The following YWHAQ variants were observed in gnomAD, a reference collection of about 807,000 sequenced individuals.
The protein encoded by YWHAQ is tyrosine 3-monooxygenase/tryptophan 5-monooxygenase activation protein theta, also known as 14-3-3 protein theta.
A neutral mutation model predicts 28.3 loss-of-function variants in YWHAQ; 6 were observed. The observed-to-expected ratio is 0.21, with a 90% confidence interval of 0.12 to 0.42. The LOEUF (loss-of-function observed/expected upper bound fraction) is 0.42, where lower values mean the gene tolerates loss of function less well. YWHAQ is among the 10% of genes least tolerant of loss of function. YWHAQ has a pLI of 1.00. For missense variants in YWHAQ, 201 were observed against 305.6 expected (o/e 0.66, Z 2.55); for synonymous variants, 143 against 119.1 (o/e 1.20, Z -1.31).
At position 9,600,336 on chromosome 2, in the gene YWHAQ, TGA is replaced by T. The variant is rs1178677615; in HGVS notation, c.295-8823_295-8822del. Among the ~76,000 whole-genome samples, 4 of 152,348 alleles carry T rather than the reference TGA, an allele frequency of 2.6e-5. No homozygotes were observed. In the Middle Eastern group the frequency reaches 0.01, roughly 389 times the overall value. On this transcript the variant is annotated intron_variant, in intron 2 of 5. Transcript: ENST00000238081. ...TAGTTGATAGAGCAGTGGCAGGGTTTGAGAGGATTGCCTCTGATTTTGAAAGA... is the reference window on the plus strand; with the variant it reads ...TAGTTGATAGAGCAGTGGCAGGGTTTGAGGATTGCCTCTGATTTTGAAAGA...
intron 2 of YWHAQ, 141 bp from the exon 3 acceptor site, chr2:9,591,656 G>GC (rs1197694154): frequency 8.9e-7 from 1 of 1,117,984 alleles, no homozygotes; most frequent in African/African-American, 1.6e-5. Context: ...TGGACTTGAA[G>GC]CATGTTCTTA....
chr2:9,617,813 G>C (rs1667064977), intron 2 of YWHAQ, among the ~76,000 whole-genome samples: 1 of 151,866 alleles, frequency 6.6e-6, no homozygotes, highest in Non-Finnish European at 1.5e-5. Context: ...TGTAATCCCA[G>C]CTATTTGGGA....
chr2:9,593,702 C>T (rs1666505338), intron 2 of YWHAQ, among the ~76,000 whole-genome samples: 1 of 151,672 alleles, frequency 6.6e-6, no homozygotes, highest in Non-Finnish European at 1.5e-5. Flanking sequence ...GTGGCATACA[C>T]CTGTAATCCC....
chr2:9,602,896 T>TAG (rs1558545341), intron 2 of YWHAQ, among the ~76,000 whole-genome samples: 20 of 99,088 alleles, frequency 2.0e-4, no homozygotes, highest in African/African-American at 7.1e-4. Flanking sequence ...TATATATATA[T>TAG]ATATATAGTA....
rs1454941252 is a variant in YWHAQ, at chr2:9,630,594, A to G, written c.-82-60T>C. 3 of 773,034 alleles carry G rather than the reference A, an allele frequency of 3.9e-6. No homozygotes were observed. The highest frequency in any genetic ancestry group is 2.0e-5 in the South Asian group (1 of 49,090). The allele number at this position is 773,034 out of a possible 1,614,324, so 47.9% of individuals were successfully genotyped here. A position where few individuals can be genotyped will look rare whatever the true frequency, so the allele number is the denominator to read the frequency against. The stretch of plus-strand genomic sequence containing the variant: ...AAGCAGAGAGGGAGCGCCGTCAGAC[A>G]ATGCGGCCCGCCGCCCGCTTTTGTC... On this transcript the variant is annotated intron_variant, in intron 1 of 5. Transcript: ENST00000238081. This position sits in a 1 kb window ranked among gnomAD's most constrained non-coding sequence, Gnocchi z 5.6.
chr2:9,618,404 TAA>T (rs1403294575), intron 2 of YWHAQ, among the ~76,000 whole-genome samples: 2 of 152,230 alleles, frequency 1.3e-5, no homozygotes, highest in Admixed American at 6.5e-5. Flanking sequence ...GGAAAGGAGA[TAA>T]GTTTCCTTAG....
At chr2:9,597,352 T>C (rs1225816270) in intron 2 of YWHAQ, among the ~76,000 whole-genome samples, 1 of 152,136 alleles carries the variant, frequency 6.6e-6, no homozygotes, top group Non-Finnish European at 1.5e-5. Context: ...TAAATGTTAC[T>C]CTAAGAATTG....
At chr2:9,627,324 C>T (rs1016523404) in intron 2 of YWHAQ, among the ~76,000 whole-genome samples, 4 of 152,174 alleles carry the variant, frequency 2.6e-5, no homozygotes, top group South Asian at 2.1e-4. Flanking sequence ...CCAAGTTAGT[C>T]TCACCTCCTC....
chr2:9,601,771 G>C (rs1666698084), intron 2 of YWHAQ, among the ~76,000 whole-genome samples: 1 of 152,052 alleles, frequency 6.6e-6, no homozygotes, highest in Non-Finnish European at 1.5e-5. Context: ...TCAGCCTCCT[G>C]TGTAGCTGGG....
At chr2:9,625,582 T>C (rs13388486) in intron 2 of YWHAQ, among the ~76,000 whole-genome samples, 1,681 of 152,338 alleles carry the variant, frequency 0.011, 29 homozygotes, top group African/African-American at 0.038. Flanking sequence ...TTAAAATCCT[T>C]GCTCTTAACA....
At chr2:9,609,858 C>A (rs938433723) in intron 2 of YWHAQ, among the ~76,000 whole-genome samples, 6 of 152,064 alleles carry the variant, frequency 3.9e-5, no homozygotes, top group Non-Finnish European at 8.8e-5. Flanking sequence ...ACTCACAGAT[C>A]ATTACTAAAA....
chr2:9,624,815 C>T (rs777820034), intron 2 of YWHAQ, among the ~76,000 whole-genome samples: 2 of 151,758 alleles, frequency 1.3e-5, no homozygotes, highest in East Asian at 2.0e-4. Context: ...GGCACAATCT[C>T]GCCTCACTGC....
At chr2:9,628,634 T>G (rs1486357359) in intron 2 of YWHAQ, 2 of 152,226 alleles carry the variant, frequency 1.3e-5, no homozygotes, top group Non-Finnish European at 2.9e-5. Context: ...TTATGAGTCT[T>G]CCCTTGGTAA....
At chr2:9,623,213 C>A (rs1020022753) in intron 2 of YWHAQ, among the ~76,000 whole-genome samples, 2 of 152,206 alleles carry the variant, frequency 1.3e-5, no homozygotes, top group African/African-American at 4.8e-5. Flanking sequence ...GACGTTAAAC[C>A]TTCTGGTCAC....
intron 2 of YWHAQ, among the ~76,000 whole-genome samples, chr2:9,600,064 T>C (rs763924839): frequency 5.3e-5 from 8 of 152,222 alleles, no homozygotes; most frequent in Non-Finnish European, 1.2e-4. Flanking sequence ...TTGAGGACTT[T>C]TAAGATTTCA....
rs552177354 is a variant in YWHAQ, at chr2:9,584,223, T to C, written c.*1063A>G. On this transcript the variant is annotated 3_prime_UTR_variant, in exon 6 of 6. Coordinates refer to ENST00000238081, the MANE Select transcript of YWHAQ (RefSeq NM_006826.4). ...CTTTAGAAAGTAGTAAATTCACCTG[T>C]CCCTTAAAATATGGGTATGCAATTG... is the stretch of plus-strand genomic sequence containing the variant. 2.0e-5 allele frequency: 3 copies of C among 152,768 alleles called. No individual in the cohort carries two copies. The East Asian group carries it at 5.8e-4, about 29-fold the overall frequency. 9.5% of individuals were successfully genotyped at this position (152,768 alleles called of 1,614,324 possible).
At chr2:9,618,551 G>A (rs1380502058) in intron 2 of YWHAQ, among the ~76,000 whole-genome samples, 2 of 152,086 alleles carry the variant, frequency 1.3e-5, no homozygotes, top group Non-Finnish European at 2.9e-5. Context: ...CTGTCACCCA[G>A]GCTTGAGTGA....
chr2:9,588,047 C>T lies in YWHAQ; in HGVS notation c.582+118G>A. 4 of 1,265,460 alleles carry T rather than the reference C, an allele frequency of 3.2e-6. 1 individual carries two copies. The South Asian group carries it at 7.1e-5, about 23-fold the overall frequency. 78.4% of individuals were successfully genotyped at this position (1,265,460 alleles called of 1,614,324 possible). A position where few individuals can be genotyped will look rare whatever the true frequency, so the allele number is the denominator to read the frequency against. ...TGATGGGAAGAAAAAGAGGAGATTT[C>T]AAAATAAATATAGTAGAAATCATCC... is the stretch of plus-strand genomic sequence containing the variant. On this transcript the variant is annotated intron_variant, in intron 4 of 5. Transcript: ENST00000238081.
rs113840827 is a variant in YWHAQ, at chr2:9,612,285, T to G, written c.294+17874A>C. The stretch of plus-strand genomic sequence containing the variant: ...ATCCAGTTTACACCTTGCTGCCAGA[T>G]TAATCTTAAATTCCATTGCGGGCAC... On this transcript the variant is annotated intron_variant, in intron 2 of 5. Coordinates refer to ENST00000238081, the MANE Select transcript of YWHAQ (RefSeq NM_006826.4). 2.9e-3 allele frequency among the ~76,000 whole-genome samples: 439 copies of G among 152,330 alleles called. 4 individuals carry two copies. Among genetic ancestry groups the G allele is most frequent in the African/African-American group, 9.8e-3 (408 of 41,568 alleles).
Sources: gnomAD v4.1 joint callset for allele counts (sites outside exome capture counted in the v4.1 genomes callset) on GRCh38, gnomAD v4.1.1 for gene constraint, Gnocchi (gnomAD v3.1) non-coding constraint, MANE v1.5 for transcripts, NCBI Gene and HGNC (gene_info 2026-07-23, HGNC 2026-07-21) for gene names.